Variants in MFSD12 observed in about 807,000 individuals in gnomAD.
MFSD12 encodes major facilitator superfamily domain containing 12, also known as major facilitator superfamily domain-containing protein 12.
In MFSD12, 67 loss-of-function variants were observed where a neutral mutation model predicts 51.2. That is an observed-to-expected ratio of 1.31 (90% CI 1.08 to 1.60). The LOEUF is 1.60. MFSD12 is among the 40% of genes most tolerant of loss of function. The probability of loss-of-function intolerance (pLI) is 0.00; values close to 1 mark genes in which losing one functional copy is unlikely to be tolerated. For synonymous variants in MFSD12, 441 were observed against 316.7 expected, an observed-to-expected ratio of 1.39 and a Z score of -4.17; for missense variants, 921 against 673.0, an observed-to-expected ratio of 1.37 and a Z score of -4.08.
At chr19:3,556,759 G>A (rs537087375) in intron 1 of MFSD12, among the ~76,000 whole-genome samples, 182 of 152,090 alleles carry the variant, frequency 1.2e-3, no homozygotes, top group African/African-American at 4.2e-3. Flanking sequence ...TCATGGGGCA[G>A]ACAAACAGGG....
rs1568265359 is a variant in MFSD12 at position 3,557,366 on chromosome 19, G to GA, written c.37dup (p.Ser13PhefsTer150). On this transcript the variant is annotated frameshift_variant, in exon 1 of 10. Transcript: ENST00000355415. LOFTEE classifies it high-confidence loss of function. Reference sequence around the variant, plus strand: ...CGCCACCAGGGACAGCGGCCGCGGGGACGGCGCCGCTCCGGCCGCTGGGGG... The same window carrying GA: ...CGCCACCAGGGACAGCGGCCGCGGGGAACGGCGCCGCTCCGGCCGCTGGGGG... The GA allele has an allele frequency of 6.7e-7, 1 of 1,498,146 alleles. No individual in the cohort carries two copies. The highest frequency in any genetic ancestry group is 8.9e-7 in the Non-Finnish European group (1 of 1,123,392). 92.8% of individuals were successfully genotyped at this position (1,498,146 alleles called of 1,614,324 possible). A position where few individuals can be genotyped will look rare whatever the true frequency, so the allele number is the denominator to read the frequency against.
intron 2 of MFSD12, 34 bp downstream of exon 2, chr19:3,550,950 C>T (rs757422147): frequency 1.3e-6 from 2 of 1,595,916 alleles, no homozygotes; most frequent in Non-Finnish European, 1.7e-6. Context: ...CCGGGGCCCA[C>T]CCTGCCCGTG....
At chr19:3,550,533 A>G (rs1294103361) in intron 2 of MFSD12, among the ~76,000 whole-genome samples, 3 of 151,888 alleles carry the variant, frequency 2.0e-5, no homozygotes, top group Admixed American at 1.3e-4. Flanking sequence ...CTGGGACTAC[A>G]GGCGCCCACC....
chr19:3,547,204 C>T (rs906273056), intron 6 of MFSD12, 68 bp downstream of exon 6: 18 of 1,366,618 alleles, frequency 1.3e-5, no homozygotes, highest in South Asian at 9.3e-5. Context: ...GAACCCGGAG[C>T]GGGTGGGATC....
chr19:3,543,235 C>G (rs1017564496), downstream of MFSD12: 4 of 1,542,378 alleles, frequency 2.6e-6, no homozygotes, highest in African/African-American at 4.1e-5. Context: ...CCACCCTCAG[C>G]GATGACTACC....
rs1263289594 is a variant in MFSD12, at chr19:3,551,104, T to C, written c.389A>G (p.Tyr130Cys). 2.5e-6 allele frequency: 4 copies of C among 1,612,980 alleles called. No individual in the cohort carries two copies. The highest frequency in any genetic ancestry group is 1.7e-5 in the Admixed American group (1 of 60,008). The change falls in exon 2 of 10, where the codon TAC becomes TGC. Residue 130 changes from tyrosine to cysteine, a missense_variant. Transcript: ENST00000355415. The surrounding 1 kb of genome is among the most constrained non-coding windows in gnomAD (Gnocchi z 4.6). Reference protein sequence around the residue: ...AATPEWAALLYYGPFIVIFQF... With the variant: ...AATPEWAALLCYGPFIVIFQF... ...GAAGATCACGATGAACGGGCCGTAG[T>C]AGAGGAGGGCAGCCCACTCGGGCGT... is the stretch of plus-strand genomic sequence containing the variant.
At chr19:3,543,851 G>C (rs537057412), downstream of MFSD12, 12 of 1,545,706 alleles carry the variant, frequency 7.8e-6, no homozygotes, top group East Asian at 2.0e-4. Flanking sequence ...ACCGGTACGG[G>C]GTGGAGCCAC....
In MFSD12 at chr19:3,546,305, T is replaced by G; in HGVS notation, c.1144A>C (p.Ile382Leu). ...AVLLGAGCAT[I>L]LVTSLAMTAD... Reference sequence around the variant, plus strand: ...GTCATGGCCAGCGAGGTGACGAGGATGGTGGCACAGCCAGCACCCAGCAGC... The same window carrying G: ...GTCATGGCCAGCGAGGTGACGAGGAGGGTGGCACAGCCAGCACCCAGCAGC... Residue 382 changes from isoleucine to leucine, a missense_variant, in exon 7 of 10, where the codon ATC (isoleucine) becomes CTC (leucine). By Grantham distance (5) the Ile-to-Leu change is conservative. Transcript: ENST00000355415. 1 of 1,610,004 alleles carries G rather than the reference T, an allele frequency of 6.2e-7. No individual in the cohort carries two copies. The highest frequency in any genetic ancestry group is 1.1e-5 in the South Asian group (1 of 90,718).
exon 5 of MFSD12, chr19:3,538,469 C>G: frequency 3.1e-6 from 1 of 322,766 alleles, no homozygotes; most frequent in Non-Finnish European, 6.2e-6. Context: ...GTCCCGGCAC[C>G]CACGAATCCT....
chr19:3,545,205 C>A (rs557968512), intron 8 of MFSD12, among the ~76,000 whole-genome samples: 9 of 152,344 alleles, frequency 5.9e-5, no homozygotes, highest in African/African-American at 2.2e-4. Context: ...CGCCTGCACC[C>A]GCCCCGGTCC....
Position 3,547,549 on chromosome 19 carries a change from T to C in MFSD12, c.838-2A>G. On this transcript the variant is annotated splice_acceptor_variant, in intron 4 of 9. Coordinates refer to ENST00000355415, the MANE Select transcript of MFSD12 (RefSeq NM_174983.5). LOFTEE classifies it high-confidence loss of function. ...GGTGGTCATGTACAGTATGCCCACC[T>C]GTGGGCAGACCGACAGAGGGACTGG... is the stretch of plus-strand genomic sequence containing the variant. 1.2e-6 allele frequency: 2 copies of C among 1,606,118 alleles called. No individual in the cohort carries two copies. The highest frequency in any genetic ancestry group is 1.7e-6 in the Non-Finnish European group (2 of 1,175,716).
downstream of MFSD12, among the ~76,000 whole-genome samples, chr19:3,540,360 CGA>C (rs758249919): frequency 3.3e-5 from 5 of 151,584 alleles, no homozygotes; most frequent in Non-Finnish European, 7.4e-5. Context: ...CTGGTTCGAG[CGA>C]TTCTCCTGCC....
At chr19:3,549,280 C>T (rs1023981642) in intron 2 of MFSD12, among the ~76,000 whole-genome samples, 3 of 152,200 alleles carry the variant, frequency 2.0e-5, no homozygotes, top group African/African-American at 2.4e-5. Context: ...CTGCCCATCC[C>T]ATCCCCTCCC....
chr19:3,557,033 CAG>C (rs1302264681), intron 1 of MFSD12, 71 bp downstream of exon 1: 3 of 1,216,002 alleles, frequency 2.5e-6, no homozygotes, highest in Admixed American at 5.7e-5. Flanking sequence ...GGTGGTGAGT[CAG>C]AGGGAGGAGG....
downstream of MFSD12, chr19:3,542,035 C>T (rs1191834605): frequency 5.9e-5 from 39 of 664,058 alleles, no homozygotes; most frequent in Non-Finnish European, 6.9e-5. Context: ...GTCTCGAACT[C>T]CTGACCTCAG....
rs543450394 is a variant in MFSD12 at position 3,551,626 on chromosome 19, T to C, written c.299-432A>G. Among the ~76,000 whole-genome samples the C allele has an allele frequency of 6.6e-6, 1 of 152,202 alleles. No individual in the cohort carries two copies. Among genetic ancestry groups the C allele is most frequent in the African/African-American group, 2.4e-5 (1 of 41,540 alleles). On this transcript the variant is annotated intron_variant, in intron 1 of 9. Coordinates refer to ENST00000355415, the MANE Select transcript of MFSD12 (RefSeq NM_174983.5). The surrounding 1 kb of genome is among the most constrained non-coding windows in gnomAD (Gnocchi z 4.6). ...ATCAGCTCCTAAGGTGACCACTCCC[T>C]GGAATGCTGGGGCGTCCTGGCCTCC... is the stretch of plus-strand genomic sequence containing the variant.
chr19:3,542,583 C>T (rs2030504620), downstream of MFSD12: 1 of 757,090 alleles, frequency 1.3e-6, no homozygotes, highest in Admixed American at 6.3e-5. Context: ...AAGCGATTCT[C>T]CTGCCTCAGC....
downstream of MFSD12, chr19:3,544,081 C>A (rs1007962538): frequency 2.7e-6 from 4 of 1,457,336 alleles, no homozygotes; most frequent in African/African-American, 5.7e-5. Context: ...TCCCAGGGGA[C>A]CAGAGGCTCG....
chr19:3,538,316 A>C, exon 5 of MFSD12: 1 of 171,268 alleles, frequency 5.8e-6, no homozygotes. Flanking sequence ...AAAATACAAA[A>C]TCTACCGTCT....
Sources: gnomAD v4.1 joint callset for allele counts (sites outside exome capture counted in the v4.1 genomes callset) on GRCh38, gnomAD v4.1.1 for gene constraint, Gnocchi (gnomAD v3.1) non-coding constraint, MANE v1.5 for transcripts, NCBI Gene and HGNC (gene_info 2026-07-23, HGNC 2026-07-21) for gene names.